The following ZSCAN5A variants were observed in gnomAD, a reference collection of about 807,000 sequenced individuals.
ZSCAN5A encodes zinc finger and SCAN domain-containing protein 5A.
In ZSCAN5A, 12 loss-of-function variants were observed where a neutral mutation model predicts 23.7. That is an observed-to-expected ratio of 0.51 (90% CI 0.32 to 0.82). The LOEUF (loss-of-function observed/expected upper bound fraction) is 0.82, where lower values mean the gene tolerates loss of function less well. ZSCAN5A is among the 40% of genes least tolerant of loss of function. ZSCAN5A has a pLI of 0.03. For synonymous variants in ZSCAN5A, 257 were observed against 239.9 expected (o/e 1.07, Z -0.66); for missense variants, 597 against 617.9 (o/e 0.97, Z 0.36).
chr19:56,284,854 A>G (rs1484444163), intron 2 of ZSCAN5A: 1 of 202,932 alleles, frequency 4.9e-6, no homozygotes, highest in African/African-American at 2.4e-5. Flanking sequence ...TTAAGTGGGA[A>G]TAATGAGGCA....
At chr19:56,362,163 A>C (rs1009551960) in intron 2 of ZSCAN5A, among the ~76,000 whole-genome samples, 4 of 151,956 alleles carry the variant, frequency 2.6e-5, no homozygotes, top group Non-Finnish European at 5.9e-5. Flanking sequence ...GTCTCAAAAA[A>C]AAAAAAAAAA....
chr19:56,325,063 C>A (rs1450022637), intron 2 of ZSCAN5A, among the ~76,000 whole-genome samples: 1 of 152,240 alleles, frequency 6.6e-6, no homozygotes, highest in East Asian at 1.9e-4. Context: ...GAGTGTCTGA[C>A]TCTGGAGCCT....
chr19:56,331,712 T>C (rs1255900926), intron 2 of ZSCAN5A, among the ~76,000 whole-genome samples: 1 of 150,090 alleles, frequency 6.7e-6, no homozygotes, highest in Non-Finnish European at 1.5e-5. Flanking sequence ...TTCAGCTTCC[T>C]GAGTAGCTGA....
At chr19:56,270,616 T>C (rs1459129059) in intron 2 of ZSCAN5A, among the ~76,000 whole-genome samples, 1 of 152,198 alleles carries the variant, frequency 6.6e-6, no homozygotes, top group Non-Finnish European at 1.5e-5. Flanking sequence ...AATTCCTCAT[T>C]TTAGCTGCTT....
intron 1 of ZSCAN5A, chr19:56,365,117 ATTAC>A (rs1424344692): frequency 6.6e-6 from 1 of 152,222 alleles, no homozygotes; most frequent in African/African-American, 2.4e-5. Context: ...ATCAGAATGT[ATTAC>A]TTCATTTAAA....
chr19:56,270,113 T>C (rs566384573), intron 2 of ZSCAN5A, among the ~76,000 whole-genome samples: 6 of 148,744 alleles, frequency 4.0e-5, no homozygotes, highest in East Asian at 2.0e-4. Flanking sequence ...CTGCTCCACA[T>C]AGACATGAGT....
chr19:56,257,425 C>A (rs544894973), intron 2 of ZSCAN5A, among the ~76,000 whole-genome samples: 32 of 152,248 alleles, frequency 2.1e-4, no homozygotes, highest in Admixed American at 2.1e-3. Flanking sequence ...CTGCAGTGTC[C>A]CTGCAGTACT....
At chr19:56,287,648 G>C (rs2039226728) in intron 2 of ZSCAN5A, among the ~76,000 whole-genome samples, 1 of 152,180 alleles carries the variant, frequency 6.6e-6, no homozygotes, top group South Asian at 2.1e-4. Flanking sequence ...GCCACTGTCA[G>C]GTATAATAAC....
chr19:56,351,358 A>G lies in ZSCAN5A; in HGVS notation c.-358+11877T>C, dbSNP rs867755538. Among the ~76,000 whole-genome samples the G allele has an allele frequency of 2.0e-5, 3 of 152,040 alleles. No individual in the cohort carries two copies. Among genetic ancestry groups the G allele is most frequent in the Non-Finnish European group, 4.4e-5 (3 of 68,004 alleles). ...GTGAAGGCCACCTCCAAGTAACACC[A>G]TGTGTTCAAACCATCATGGCAACCC... is the stretch of plus-strand genomic sequence containing the variant. On this transcript the variant is annotated intron_variant, in intron 2 of 6. Coordinates refer to the ZSCAN5A transcript ENST00000587340. This position sits in a 1 kb window ranked among gnomAD's most constrained non-coding sequence, Gnocchi z 4.8.
intron 2 of ZSCAN5A, among the ~76,000 whole-genome samples, chr19:56,250,397 C>T (rs1012914817): frequency 1.3e-4 from 20 of 152,180 alleles, no homozygotes; most frequent in Non-Finnish European, 2.6e-4. Flanking sequence ...TCTAGCATCT[C>T]GCTTCATTTA....
intron 2 of ZSCAN5A, among the ~76,000 whole-genome samples, chr19:56,309,864 C>T (rs918405308): frequency 6.6e-6 from 1 of 152,158 alleles, no homozygotes; most frequent in African/African-American, 2.4e-5. Flanking sequence ...AGACACTTGC[C>T]CTGGTGATGG....
chr19:56,319,418 C>T (rs1175706799), upstream of ZSCAN5A, among the ~76,000 whole-genome samples: 1 of 144,854 alleles, frequency 6.9e-6, no homozygotes, highest in African/African-American at 2.6e-5. Context: ...ATTGCTTGAA[C>T]CTGGGAGGCA....
At chr19:56,326,997 T>C (rs1269659357) in intron 2 of ZSCAN5A, among the ~76,000 whole-genome samples, 2 of 152,136 alleles carry the variant, frequency 1.3e-5, no homozygotes, top group Non-Finnish European at 2.9e-5. Context: ...CTTCACGAGT[T>C]GAGGTTGTGC....
At chr19:56,276,118 C>T (rs567129903) in intron 2 of ZSCAN5A, among the ~76,000 whole-genome samples, 1 of 152,286 alleles carries the variant, frequency 6.6e-6, no homozygotes, top group South Asian at 2.1e-4. Context: ...AAGTAAGAAC[C>T]GTGGAACCCC....
intron 2 of ZSCAN5A, among the ~76,000 whole-genome samples, chr19:56,280,250 G>C (rs1025933133): frequency 6.6e-6 from 1 of 152,170 alleles, no homozygotes; most frequent in Non-Finnish European, 1.5e-5. Flanking sequence ...AGATGACTCT[G>C]TGTCAGTTCA....
intron 2 of ZSCAN5A, among the ~76,000 whole-genome samples, chr19:56,344,931 A>G (rs1232249559): frequency 2.0e-4 from 27 of 137,442 alleles, no homozygotes; most frequent in Non-Finnish European, 2.7e-4. Context: ...AAAAAAAAAA[A>G]AAAAGAAAAA....
chr19:56,366,422 CAAAAAAAAAAAA>C (rs34420866), intron 1 of ZSCAN5A, among the ~76,000 whole-genome samples: 1 of 83,170 alleles, frequency 1.2e-5, no homozygotes, highest in Non-Finnish European at 2.8e-5. Context: ...GACTCTGTCT[CAAAAAAAAAAAA>C]AAAAAAAAAG....
chr19:56,222,637 C>G lies in ZSCAN5A; in HGVS notation c.693G>C (p.Glu231Asp), dbSNP rs764148776. Residue 231 changes from glutamate (E) to aspartate (D), a missense_variant, in exon 5 of 6, where the codon GAG becomes GAC. Physicochemically the swap from Glu to Asp is conservative, Grantham distance 45 (BLOSUM62 2). Transcript: ENST00000683990. ...LEKDLKENRE[E>D]NPGLTSPEPQ... ...GCTCTGGGGATGTCAGTCCTGGGTT[C>G]TCTTCCCTGTTTTCCTTCAGATCCT... 5 of 1,614,062 alleles carry G rather than the reference C, an allele frequency of 3.1e-6. No homozygotes were observed. In the African/African-American group the frequency reaches 5.3e-5, roughly 17 times the overall value.
rs199505732 is a variant in ZSCAN5A at position 56,225,090 on chromosome 19, C to G, written c.-44G>C. 6 of 1,531,362 alleles carry G rather than the reference C, an allele frequency of 3.9e-6. No individual in the cohort carries two copies. The African/African-American group carries it at 6.9e-5, about 18-fold the overall frequency. The allele number at this position is 1,531,362 out of a possible 1,614,324, so 94.9% of individuals were successfully genotyped here. On this transcript the variant is annotated 5_prime_UTR_variant, in exon 3 of 6. Transcript: ENST00000683990. The stretch of plus-strand genomic sequence containing the variant: ...TAATCAGTCTCTGAGAAAGCTCTTC[C>G]AGTAGCTGGTATCTAATTGATACCT...
Sources: allele counts gnomAD v4.1 joint callset (sites outside exome capture counted in the v4.1 genomes callset), GRCh38; gene constraint gnomAD v4.1.1; non-coding constraint Gnocchi (gnomAD v3.1); transcripts MANE v1.5; gene names NCBI Gene and HGNC (gene_info 2026-07-23, HGNC 2026-07-21).